The following FAAP20 variants were observed in gnomAD, a reference collection of about 807,000 sequenced individuals.
FAAP20 encodes the protein FA core complex associated protein 20, also known as Fanconi anemia core complex-associated protein 20.
FAAP20 carries 12 observed loss-of-function variants against 16.2 expected under a neutral mutation model. The ratio of observed to expected loss-of-function variants is 0.74; its 90% CI spans 0.48 to 1.20. The LOEUF (loss-of-function observed/expected upper bound fraction) is 1.20. Ranked by LOEUF, FAAP20 falls within the 50% of genes most tolerant of loss-of-function variation. The pLI, the probability that FAAP20 is intolerant of heterozygous loss-of-function variation, is 0.00. For synonymous variants in FAAP20, 141 were observed against 110.7 expected (o/e 1.27, Z -1.72); for missense variants, 288 against 245.8 (o/e 1.17, Z -1.15).
At chr1:2,192,110 T>C in intron 3 of FAAP20, 1 of 985,584 alleles carries the variant, frequency 1.0e-6, no homozygotes, top group South Asian at 4.7e-5. Context: ...CAAGACCAAG[T>C]CCGGCTGTTA....
At position 2,193,880 on chromosome 1, in the gene FAAP20, CTT is replaced by C; in HGVS notation, c.227_228del (p.Glu76GlyfsTer49). ...QEPRCGPEPTEVFTVGPKTFS... is the reference protein window; with the variant it reads ...QEPRCGPEPTXVFTVGPKTFS... ...AAGGTCTTGGGTCCGACAGTGAAGA[CTT>C]CAGTGGGCTCCGGGCCGCACCTGGG... On this transcript the variant is annotated frameshift_variant, in exon 3 of 4. Coordinates refer to ENST00000378546, the MANE Select transcript of FAAP20 (RefSeq NM_182533.4). LOFTEE classifies it high-confidence loss of function. 1 of 1,612,418 alleles carries C rather than the reference CTT, an allele frequency of 6.2e-7. No homozygotes were observed. The highest frequency in any genetic ancestry group is 8.5e-7 in the Non-Finnish European group (1 of 1,179,818).
At chr1:2,198,480 G>A, upstream of FAAP20, 2 of 423,022 alleles carry the variant, frequency 4.7e-6, no homozygotes, top group East Asian at 7.8e-5. Context: ...CACCGCGGAA[G>A]AACAAGTGTC....
chr1:2,205,773 C>A (rs745346846), intron 3 of FAAP20, among the ~76,000 whole-genome samples: 1 of 152,264 alleles, frequency 6.6e-6, no homozygotes, highest in Non-Finnish European at 1.5e-5. Flanking sequence ...GAGCCGCCCT[C>A]CTCCCATGTG....
At chr1:2,201,170 CA>C (rs1279753485), upstream of FAAP20, 3 of 1,261,692 alleles carry the variant, frequency 2.4e-6, no homozygotes, top group East Asian at 1.7e-4. Flanking sequence ...GAGTGACGTG[CA>C]GACCTTCACA....
chr1:2,186,490 A>C (rs1462987928), downstream of FAAP20, among the ~76,000 whole-genome samples: 10 of 109,860 alleles, frequency 9.1e-5, no homozygotes, highest in African/African-American at 1.1e-4. Context: ...GAGACCCTGG[A>C]CACCCGCCCC....
chr1:2,204,400 C>T (rs1569584479), upstream of FAAP20, among the ~76,000 whole-genome samples: 1 of 152,366 alleles, frequency 6.6e-6, no homozygotes, highest in South Asian at 2.1e-4. Context: ...TGGGGACGGT[C>T]AGTTCTCCCA....
downstream of FAAP20, among the ~76,000 whole-genome samples, chr1:2,209,823 C>G (rs1411180406): frequency 6.6e-6 from 1 of 152,190 alleles, no homozygotes; most frequent in Non-Finnish European, 1.5e-5. Context: ...TTCAGGCTCC[C>G]AGCCTTCCAG....
intron 1 of FAAP20, among the ~76,000 whole-genome samples, chr1:2,206,883 A>G (rs1232175001): frequency 2.0e-5 from 3 of 147,774 alleles, no homozygotes; most frequent in South Asian, 2.2e-4. Flanking sequence ...GCCCCAGGCC[A>G]CGGCCTCCTG....
At chr1:2,199,406 G>T, upstream of FAAP20, 1 of 968,254 alleles carries the variant, frequency 1.0e-6, no homozygotes, top group Non-Finnish European at 1.2e-6. The surrounding 1 kb of genome is among the most constrained non-coding windows in gnomAD (Gnocchi z 4.5). Flanking sequence ...GCCCAGCCCA[G>T]CCCAGCCCAG....
At chr1:2,207,578 C>T (rs138676014), downstream of FAAP20, 2,943 of 152,404 alleles carry the variant, frequency 0.019, 39 homozygotes, top group Non-Finnish European at 0.03. Context: ...GTCTTGGGGC[C>T]GCGCACACCA....
At chr1:2,207,967 C>T (rs994277171), downstream of FAAP20, among the ~76,000 whole-genome samples, 19 of 151,066 alleles carry the variant, frequency 1.3e-4, no homozygotes, top group South Asian at 6.3e-4. Flanking sequence ...CGTGCGCGCG[C>T]GCATGCGTGC....
At chr1:2,198,738 CCCTGGCAGTGCTCA>C, upstream of FAAP20, 2 of 1,283,672 alleles carry the variant, frequency 1.6e-6, no homozygotes, top group Non-Finnish European at 2.0e-6. Flanking sequence ...ACACACGGTG[CCCTGGCAGTGCTCA>C]CCTGCTGGCA....
At chr1:2,210,181 C>A (rs1028511645), downstream of FAAP20, among the ~76,000 whole-genome samples, 1 of 152,210 alleles carries the variant, frequency 6.6e-6, no homozygotes, top group African/African-American at 2.4e-5. Context: ...TGCGAGTGTG[C>A]CTGCCCGTGT....
At chr1:2,207,239 C>A (rs988032771), downstream of FAAP20, among the ~76,000 whole-genome samples, 2 of 152,054 alleles carry the variant, frequency 1.3e-5, no homozygotes, top group South Asian at 2.1e-4. Flanking sequence ...GGCAGGCCCA[C>A]ATGGCCTGTG....
At chr1:2,190,226 C>G (rs1015513127) in intron 3 of FAAP20, 1 of 459,382 alleles carries the variant, frequency 2.2e-6, no homozygotes, top group East Asian at 6.8e-5. Context: ...GTGCAGCTCA[C>G]GTCAGAGAAT....
upstream of FAAP20, among the ~76,000 whole-genome samples, chr1:2,197,388 C>T (rs1464742246): frequency 5.9e-5 from 9 of 152,240 alleles, no homozygotes; most frequent in Non-Finnish European, 4.4e-5. Context: ...GACCCAGACC[C>T]GGGACACCTG....
upstream of FAAP20, chr1:2,200,547 G>A (rs989307948): frequency 2.4e-6 from 2 of 843,670 alleles, no homozygotes; most frequent in African/African-American, 1.8e-5. Flanking sequence ...TTTAGGCGGA[G>A]CTCCACCCTC....
upstream of FAAP20, among the ~76,000 whole-genome samples, chr1:2,204,082 C>T (rs1003245457): frequency 6.6e-6 from 1 of 152,242 alleles, no homozygotes; most frequent in Admixed American, 6.5e-5. Context: ...CCAGCTCCTG[C>T]CATCTCGGGT....
chr1:2,192,510 G>A (rs1227381413), intron 3 of FAAP20: 4 of 998,296 alleles, frequency 4.0e-6, no homozygotes, highest in Non-Finnish European at 4.8e-6. Context: ...AGCAGGCGAT[G>A]CAAAGACAAA....
Sources: gnomAD v4.1 joint callset for allele counts (sites outside exome capture counted in the v4.1 genomes callset) on GRCh38, gnomAD v4.1.1 for gene constraint, Gnocchi (gnomAD v3.1) non-coding constraint, MANE v1.5 for transcripts, NCBI Gene and HGNC (gene_info 2026-07-23, HGNC 2026-07-21) for gene names.